ATP8A2: variants seen among roughly 807,000 people sequenced by gnomAD.
The protein encoded by ATP8A2 is ATPase phospholipid transporting 8A2.
ATP8A2 carries 100 observed loss-of-function variants against 165.6 expected under a neutral mutation model. That is an observed-to-expected ratio of 0.60 (90% confidence interval 0.51 to 0.71). The LOEUF (loss-of-function observed/expected upper bound fraction) is 0.71. Among genes scored for constraint, ATP8A2 ranks in the 30% least tolerant of loss-of-function variants. The probability of loss-of-function intolerance (pLI) is 0.00; values close to 1 mark genes in which losing one functional copy is unlikely to be tolerated. For missense variants in ATP8A2, 1,227 were observed against 1,479.5 expected, an observed-to-expected ratio of 0.83 and a Z score of 2.80; for synonymous variants, 543 against 548.8, an observed-to-expected ratio of 0.99 and a Z score of 0.15.
Position 26,022,068 on chromosome 13 carries a change from T to C in ATP8A2, c.*2083T>C, listed in dbSNP as rs1957089349. 1 of 152,154 alleles carries C rather than the reference T, an allele frequency of 6.6e-6. No individual in the cohort carries two copies. The highest frequency in any genetic ancestry group is 1.5e-5 in the Non-Finnish European group (1 of 68,036). The allele number at this position is 152,154 out of a possible 1,614,324, so 9.4% of individuals were successfully genotyped here. A position where few individuals can be genotyped will look rare whatever the true frequency, so the allele number is the denominator to read the frequency against. ...GCCATTTCTTTCTCCCCAAGGTGCA[T>C]AGAACATTTTTAAATATCAGAGTAC... On this transcript the variant is annotated 3_prime_UTR_variant, in exon 37 of 37. Transcript: ENST00000381655.
At chr13:25,406,623 A>G (rs988331642) in intron 1 of ATP8A2, among the ~76,000 whole-genome samples, 10 of 152,196 alleles carry the variant, frequency 6.6e-5, no homozygotes, top group Non-Finnish European at 1.2e-4. Flanking sequence ...AGGAGGTGAC[A>G]TCTGAGTCTA....
In ATP8A2 at chr13:25,635,821, G is replaced by A. The variant is rs533838488; in HGVS notation, c.2211+46122G>A. Among the ~76,000 whole-genome samples, 4 of 152,310 alleles carry A rather than the reference G, an allele frequency of 2.6e-5. No homozygotes were observed. In the South Asian group the frequency reaches 8.3e-4, roughly 32 times the overall value. ...TTGGAAAGACATAAAAGGAAAAGCTGGACCTTTGTCCTCAAGGGGCTCAGA... is the reference window on the plus strand; with the variant it reads ...TTGGAAAGACATAAAAGGAAAAGCTAGACCTTTGTCCTCAAGGGGCTCAGA... On this transcript the variant is annotated intron_variant, in intron 24 of 36. Coordinates refer to ENST00000381655, the MANE Select transcript of ATP8A2 (RefSeq NM_016529.6).
At chr13:25,537,164 T>C (rs2038312874) in intron 6 of ATP8A2, among the ~76,000 whole-genome samples, 1 of 152,198 alleles carries the variant, frequency 6.6e-6, no homozygotes, top group Admixed American at 6.5e-5. Context: ...TAGTGGAGTC[T>C]GTTCCCCAAG....
In ATP8A2 at chr13:25,410,282, C is replaced by T. The variant is rs555839258; in HGVS notation, c.76+37994C>T. 2.0e-5 allele frequency among the ~76,000 whole-genome samples: 3 copies of T among 152,148 alleles called. No homozygotes were observed. In the East Asian group the frequency reaches 5.8e-4, roughly 29 times the overall value. On this transcript the variant is annotated intron_variant, in intron 1 of 36. Coordinates refer to ENST00000381655, the MANE Select transcript of ATP8A2 (RefSeq NM_016529.6). ...ATTGAATTCATGTTTGTCTTCAAGA[C>T]CTTCGTCAAATGCTATTTGTTCTGG... is the stretch of plus-strand genomic sequence containing the variant.
chr13:25,451,617 G>A (rs893194653), intron 1 of ATP8A2, among the ~76,000 whole-genome samples: 2 of 152,036 alleles, frequency 1.3e-5, no homozygotes, highest in African/African-American at 4.8e-5. Context: ...TAATTGATGT[G>A]CAATTTTTTT....
rs74039436 is a variant in ATP8A2, at chr13:25,953,072, G to T, written c.3184-8503G>T. Among the ~76,000 whole-genome samples, 3 of 152,178 alleles carry T rather than the reference G, an allele frequency of 2.0e-5. No individual in the cohort carries two copies. Among genetic ancestry groups the T allele is most frequent in the African/African-American group, 7.2e-5 (3 of 41,448 alleles). Reference sequence around the variant, plus strand: ...GAAGGTGGCAATGGCAACTGCAAGGGTTCTTCCAAATCCGATTGTCCTGAC... The same window carrying T: ...GAAGGTGGCAATGGCAACTGCAAGGTTTCTTCCAAATCCGATTGTCCTGAC... On this transcript the variant is annotated intron_variant, in intron 33 of 36. Coordinates refer to ENST00000381655, the MANE Select transcript of ATP8A2 (RefSeq NM_016529.6). This position sits in a 1 kb window ranked among gnomAD's most constrained non-coding sequence, Gnocchi z 6.7.
chr13:25,756,737 C>T (rs551706897), intron 25 of ATP8A2, among the ~76,000 whole-genome samples: 1 of 152,368 alleles, frequency 6.6e-6, no homozygotes, highest in East Asian at 1.9e-4. Context: ...GCGTGGAAAG[C>T]ACTTAGCCCA....
intron 33 of ATP8A2, among the ~76,000 whole-genome samples, chr13:25,947,468 T>G (rs1276888565): frequency 1.3e-5 from 2 of 152,148 alleles, no homozygotes; most frequent in Non-Finnish European, 2.9e-5. Context: ...TTTACCGTCA[T>G]CAGTGACAAT....
chr13:25,513,891 A>T (rs1370696933), intron 2 of ATP8A2, among the ~76,000 whole-genome samples: 1 of 150,906 alleles, frequency 6.6e-6, no homozygotes, highest in East Asian at 2.0e-4. Context: ...GGTTGCAGTG[A>T]GCCGAGATGG....
Position 25,571,628 on chromosome 13 carries a change from AAGG to A in ATP8A2, c.1601_1603del (p.Gly534del). On this transcript the variant is annotated inframe_deletion, in exon 18 of 37. Coordinates refer to ENST00000381655, the MANE Select transcript of ATP8A2 (RefSeq NM_016529.6). ...TTGACAGATGAAGCTGCTTTGGTGA[AAGG>A]AGCTAAAAAGCTGGGCTTTGTCTTC... 6.2e-7 allele frequency: 1 copy of A among 1,613,854 alleles called. No homozygotes were observed. Among genetic ancestry groups the A allele is most frequent in the Non-Finnish European group, 8.5e-7 (1 of 1,179,962 alleles).
chr13:25,453,569 C>G (rs1295826134), intron 1 of ATP8A2, among the ~76,000 whole-genome samples: 2 of 152,158 alleles, frequency 1.3e-5, no homozygotes, highest in Non-Finnish European at 2.9e-5. Flanking sequence ...TGACTAGTGA[C>G]TAGGGTGCCT....
chr13:25,372,331 G>GCCCCCGCCCC lies in ATP8A2; in HGVS notation c.76+43_76+44insCCCCCGCCCC. ...CGGCGAGGGAGGGTGGGCCCGGGGC[G>GCCCCCGCCCC]GGGGCGGCGCGGGGCGCGCCTGCGG... On this transcript the variant is annotated intron_variant, in intron 1 of 36. Coordinates refer to ENST00000381655, the MANE Select transcript of ATP8A2 (RefSeq NM_016529.6). This position sits in a 1 kb window ranked among gnomAD's most constrained non-coding sequence, Gnocchi z 4.8. The GCCCCCGCCCC allele has an allele frequency of 7.3e-7, 1 of 1,363,744 alleles. No individual in the cohort carries two copies. The highest frequency in any genetic ancestry group is 9.7e-7 in the Non-Finnish European group (1 of 1,032,030). 84.5% of individuals were successfully genotyped at this position (1,363,744 alleles called of 1,614,324 possible).
At chr13:25,529,917 A>G (rs1593468686) in intron 2 of ATP8A2, 82 bp from the exon 3 acceptor site, 1 of 764,220 alleles carries the variant, frequency 1.3e-6, no homozygotes, top group Non-Finnish European at 2.1e-6. Context: ...CATTTGTAAA[A>G]CTTTCTAAAC....
At chr13:25,771,882 G>T (rs2044627168) in intron 26 of ATP8A2, among the ~76,000 whole-genome samples, 3 of 152,154 alleles carry the variant, frequency 2.0e-5, no homozygotes, top group South Asian at 2.1e-4. Context: ...TCTTGAAATG[G>T]TAAACATCTC....
At chr13:25,722,636 G>C (rs2043405981) in intron 25 of ATP8A2, among the ~76,000 whole-genome samples, 1 of 148,886 alleles carries the variant, frequency 6.7e-6, no homozygotes, top group Non-Finnish European at 1.5e-5. Flanking sequence ...CACACACTTG[G>C]CACTAATTCA....
At chr13:25,961,015 T>G (rs1438704929) in intron 33 of ATP8A2, among the ~76,000 whole-genome samples, 1 of 152,248 alleles carries the variant, frequency 6.6e-6, no homozygotes, top group Non-Finnish European at 1.5e-5. Flanking sequence ...TCGTTTATAT[T>G]CGTGATATAT....
chr13:25,765,560 A>C (rs2044473602), intron 25 of ATP8A2, among the ~76,000 whole-genome samples: 1 of 152,166 alleles, frequency 6.6e-6, no homozygotes, highest in African/African-American at 2.4e-5. Flanking sequence ...TGTTTTCTCA[A>C]GGCATTACAG....
At chr13:25,466,075 T>C (rs2035660356) in intron 1 of ATP8A2, among the ~76,000 whole-genome samples, 1 of 152,166 alleles carries the variant, frequency 6.6e-6, no homozygotes, top group African/African-American at 2.4e-5. Context: ...TCTTCCCCCT[T>C]TGCCATCACT....
In ATP8A2 at chr13:25,870,106, C is replaced by T. The variant is rs142527427; in HGVS notation, c.3183+7698C>T. ...CCTGGAGTTGAGCCACTTGACAGCC[C>T]GGCTGTCCTCCAATTGTTCTGGCCA... On this transcript the variant is annotated intron_variant, in intron 33 of 36. Transcript: ENST00000381655. 7.5e-4 allele frequency among the ~76,000 whole-genome samples: 114 copies of T among 152,282 alleles called. 1 individual carries two copies. The South Asian group carries it at 9.3e-3, about 12-fold the overall frequency.
Sources: gnomAD v4.1 joint callset for allele counts (sites outside exome capture counted in the v4.1 genomes callset) on GRCh38, gnomAD v4.1.1 for gene constraint, Gnocchi (gnomAD v3.1) non-coding constraint, MANE v1.5 for transcripts, NCBI Gene and HGNC (gene_info 2026-07-23, HGNC 2026-07-21) for gene names.